KCNQ5: variants seen among roughly 807,000 people sequenced by gnomAD.
The protein encoded by KCNQ5 is potassium voltage-gated channel subfamily KQT member 5.
In KCNQ5, 30 loss-of-function variants were observed where a neutral mutation model predicts 98.2. The ratio of observed to expected loss-of-function variants is 0.31; its 90% CI spans 0.23 to 0.41. The LOEUF is 0.41. Among genes scored for constraint, KCNQ5 ranks in the 10% least tolerant of loss-of-function variants. The pLI, the probability that KCNQ5 is intolerant of heterozygous loss-of-function variation, is 1.00. For synonymous variants in KCNQ5, 458 were observed against 449.4 expected, an observed-to-expected ratio of 1.02 and a Z score of -0.24; for missense variants, 835 against 1,182.5, an observed-to-expected ratio of 0.71 and a Z score of 4.31.
At chr6:72,940,523 G>A (rs1408197183) in intron 1 of KCNQ5, among the ~76,000 whole-genome samples, 1 of 152,164 alleles carries the variant, frequency 6.6e-6, no homozygotes, top group African/African-American at 2.4e-5. Context: ...AGGAAGACAG[G>A]CCCAGTGTGA....
At chr6:72,720,997 A>T (rs1769926051) in intron 1 of KCNQ5, among the ~76,000 whole-genome samples, 1 of 152,206 alleles carries the variant, frequency 6.6e-6, no homozygotes, top group South Asian at 2.1e-4. Flanking sequence ...AAAGTCAAAA[A>T]TGTATGAATT....
intron 1 of KCNQ5, among the ~76,000 whole-genome samples, chr6:72,629,009 C>G (rs1457669578): frequency 1.3e-5 from 2 of 152,132 alleles, no homozygotes; most frequent in Non-Finnish European, 2.9e-5. Context: ...AACCCCAATT[C>G]TTTAAAGGCA....
chr6:72,868,673 A>G (rs760095903), intron 1 of KCNQ5, among the ~76,000 whole-genome samples: 1 of 152,208 alleles, frequency 6.6e-6, no homozygotes, highest in Non-Finnish European at 1.5e-5. Context: ...GAGCACAATC[A>G]TGGGAAAGAG....
intron 1 of KCNQ5, among the ~76,000 whole-genome samples, chr6:72,687,835 C>CTTTTTT (rs531246586): frequency 7.4e-6 from 1 of 135,974 alleles, no homozygotes; most frequent in African/African-American, 2.8e-5. Flanking sequence ...TTATTGATCC[C>CTTTTTT]TTTTTTTTTT....
intron 1 of KCNQ5, among the ~76,000 whole-genome samples, chr6:72,972,968 A>G (rs1227414570): frequency 6.6e-6 from 1 of 152,220 alleles, no homozygotes; most frequent in Admixed American, 6.5e-5. Flanking sequence ...ACAACCTAGG[A>G]AGTAGTGAAA....
intron 5 of KCNQ5, among the ~76,000 whole-genome samples, chr6:73,101,766 A>G (rs1304063167): frequency 1.3e-5 from 2 of 152,186 alleles, no homozygotes; most frequent in African/African-American, 4.8e-5. Flanking sequence ...AAAAAAAGGA[A>G]AGATATTTCA....
At chr6:72,830,715 A>G (rs1307323799) in intron 1 of KCNQ5, among the ~76,000 whole-genome samples, 2 of 152,366 alleles carry the variant, frequency 1.3e-5, no homozygotes, top group South Asian at 4.1e-4. Flanking sequence ...CAATGGCAAC[A>G]AAAGCCAAAA....
chr6:72,731,456 T>C lies in KCNQ5; in HGVS notation c.398+108869T>C, dbSNP rs117842328. Reference sequence around the variant, plus strand: ...ATTTTTCTCTCATGTAAATGAGTTATGGGTATAGGCATTCCAACACTGTTA... The same window carrying C: ...ATTTTTCTCTCATGTAAATGAGTTACGGGTATAGGCATTCCAACACTGTTA... On this transcript the variant is annotated intron_variant, in intron 1 of 13. Transcript: ENST00000370398. 2.3e-3 allele frequency among the ~76,000 whole-genome samples: 348 copies of C among 152,354 alleles called. 14 individuals are homozygous for C. In the East Asian group the frequency reaches 0.056, roughly 24 times the overall value.
intron 1 of KCNQ5, among the ~76,000 whole-genome samples, chr6:72,706,143 T>C (rs1325770198): frequency 6.6e-6 from 1 of 152,046 alleles, no homozygotes; most frequent in African/African-American, 2.4e-5. Flanking sequence ...GGTATAGTTA[T>C]GTCTTTTCTT....
intron 10 of KCNQ5, among the ~76,000 whole-genome samples, chr6:73,148,101 G>A (rs2150477350): frequency 6.6e-6 from 1 of 152,222 alleles, no homozygotes; most frequent in Admixed American, 6.5e-5. Flanking sequence ...CTAGATGTAT[G>A]ATCAGCAATT....
intron 1 of KCNQ5, among the ~76,000 whole-genome samples, chr6:72,625,558 T>A (rs1170153972): frequency 6.6e-6 from 1 of 152,218 alleles, no homozygotes; most frequent in Non-Finnish European, 1.5e-5. Context: ...AGGCTTCATA[T>A]ATAAATTTGC....
chr6:72,709,134 C>CA (rs1561934972), intron 1 of KCNQ5, among the ~76,000 whole-genome samples: 2 of 152,160 alleles, frequency 1.3e-5, no homozygotes, highest in African/African-American at 2.4e-5. Flanking sequence ...CATGAGGCAC[C>CA]ATGCCCAGTG....
intron 1 of KCNQ5, among the ~76,000 whole-genome samples, chr6:72,691,873 G>A (rs945709023): frequency 1.3e-5 from 2 of 152,078 alleles, no homozygotes; most frequent in African/African-American, 4.8e-5. Context: ...TTTTAGGCTT[G>A]GATTTTCAAG....
At chr6:73,131,049 T>C (rs1399647456) in intron 9 of KCNQ5, among the ~76,000 whole-genome samples, 1 of 152,162 alleles carries the variant, frequency 6.6e-6, no homozygotes. Flanking sequence ...CAACTTTAAG[T>C]GCTTTAAATG....
intron 1 of KCNQ5, among the ~76,000 whole-genome samples, chr6:72,966,743 G>A (rs1249896006): frequency 6.6e-6 from 1 of 152,194 alleles, no homozygotes; most frequent in East Asian, 1.9e-4. Flanking sequence ...AGGGCAAAGT[G>A]AGAGGCATTG....
intron 11 of KCNQ5, among the ~76,000 whole-genome samples, chr6:73,180,222 G>A (rs149153860): frequency 6.6e-6 from 1 of 152,184 alleles, no homozygotes; most frequent in Non-Finnish European, 1.5e-5. Context: ...CACGTAGGAG[G>A]CTTCTTTAAC....
rs548520576 is a variant in KCNQ5, at chr6:72,946,840, G to C, written c.399-57068G>C. ...TTTATCTCATTTACAACATATGGGA[G>C]AGGAAGATTCCTTTCTCTTTTTCCT... On this transcript the variant is annotated intron_variant, in intron 1 of 13. Transcript: ENST00000370398. Among the ~76,000 whole-genome samples the C allele has an allele frequency of 5.5e-4, 83 of 152,174 alleles. 1 individual carries two copies. The highest frequency in any genetic ancestry group is 1.3e-3 in the Admixed American group (20 of 15,270).
At chr6:72,821,421 A>C (rs1259688846) in intron 1 of KCNQ5, among the ~76,000 whole-genome samples, 1 of 152,234 alleles carries the variant, frequency 6.6e-6, no homozygotes, top group East Asian at 1.9e-4. Flanking sequence ...CATGCATATA[A>C]ATAAGAAACA....
At chr6:73,010,968 T>G (rs1044699035) in intron 2 of KCNQ5, among the ~76,000 whole-genome samples, 2 of 152,018 alleles carry the variant, frequency 1.3e-5, no homozygotes, top group African/African-American at 2.4e-5. Flanking sequence ...TCAATGCAAT[T>G]CCTATCAAAA....
Sources: gnomAD v4.1 joint callset for allele counts (sites outside exome capture counted in the v4.1 genomes callset) on GRCh38, gnomAD v4.1.1 for gene constraint, MANE v1.5 for transcripts, NCBI Gene and HGNC (gene_info 2026-07-23, HGNC 2026-07-21) for gene names.